Variants in RFTN1 observed in about 807,000 individuals in gnomAD.
The protein encoded by RFTN1 is raftlin.
Under a neutral mutation model 46.5 loss-of-function variants are expected in RFTN1, and 26 were observed. The ratio of observed to expected loss-of-function variants is 0.56; its 90% CI spans 0.41 to 0.78. The LOEUF is 0.78. Ranked by LOEUF, RFTN1 falls within the 30% of genes least tolerant of loss-of-function variation. The pLI, the probability that RFTN1 is intolerant of heterozygous loss-of-function variation, is 0.00. For missense variants in RFTN1, 693 were observed against 718.7 expected, an observed-to-expected ratio of 0.96 and a Z score of 0.41; for synonymous variants, 261 against 284.2, an observed-to-expected ratio of 0.92 and a Z score of 0.82.
At position 16,473,745 on chromosome 3, in the gene RFTN1, G is replaced by T. The variant is rs1050513920; in HGVS notation, c.145+19980C>A. Among the ~76,000 whole-genome samples the T allele has an allele frequency of 1.3e-5, 2 of 151,930 alleles. No homozygotes were observed. Among genetic ancestry groups the T allele is most frequent in the African/African-American group, 4.8e-5 (2 of 41,418 alleles). On this transcript the variant is annotated intron_variant, in intron 2 of 9. Coordinates refer to ENST00000334133, the MANE Select transcript of RFTN1 (RefSeq NM_015150.2). This position sits in a 1 kb window ranked among gnomAD's most constrained non-coding sequence, Gnocchi z 5.3. The stretch of plus-strand genomic sequence containing the variant: ...TCTTGAAAGCATTCTATTAGTACAA[G>T]GCATTTTTACTTTCTTCCACCCTGC...
chr3:16,345,817 T>TGTGTGTGTGTGTGC lies in RFTN1; in HGVS notation c.1146+12114_1146+12115insGCACACACACACAC, dbSNP rs1160939614. Among the ~76,000 whole-genome samples, 178 of 74,592 alleles carry TGTGTGTGTGTGTGC rather than the reference T, an allele frequency of 2.4e-3. No homozygotes were observed. Among genetic ancestry groups the TGTGTGTGTGTGTGC allele is most frequent in the African/African-American group, 7.9e-3 (144 of 18,166 alleles). The allele number at this position is 74,592 out of a possible 152,430, so 48.9% of individuals were successfully genotyped here. On this transcript the variant is annotated intron_variant, in intron 7 of 9. Coordinates refer to ENST00000334133, the MANE Select transcript of RFTN1 (RefSeq NM_015150.2). The surrounding 1 kb of genome is among the most constrained non-coding windows in gnomAD (Gnocchi z 5.2). ...GTGTGTGTGTGTGTGTGTGTGTGTG[T>TGTGTGTGTGTGTGC]GCGCGCGCGCGTGCGCGCACGCGCA...
Position 16,433,306 on chromosome 3 carries a change from G to A in RFTN1, c.332+545C>T, listed in dbSNP as rs984941008. Among the ~76,000 whole-genome samples, 1 of 151,818 alleles carries A rather than the reference G, an allele frequency of 6.6e-6. No individual in the cohort carries two copies. Among genetic ancestry groups the A allele is most frequent in the African/African-American group, 2.4e-5 (1 of 41,290 alleles). On this transcript the variant is annotated intron_variant, in intron 3 of 9. Coordinates refer to ENST00000334133, the MANE Select transcript of RFTN1 (RefSeq NM_015150.2). This position sits in a 1 kb window ranked among gnomAD's most constrained non-coding sequence, Gnocchi z 4.4. Reference sequence around the variant, plus strand: ...AAGCCAAACTGAAAAACATCCCCAAGCCCTGAAAATCTAAATCAAGACCAA... The same window carrying A: ...AAGCCAAACTGAAAAACATCCCCAAACCCTGAAAATCTAAATCAAGACCAA...
In RFTN1 at chr3:16,489,673, C is replaced by T. The variant is rs772146318; in HGVS notation, c.145+4052G>A. Among the ~76,000 whole-genome samples, 5 of 151,830 alleles carry T rather than the reference C, an allele frequency of 3.3e-5. No individual in the cohort carries two copies. The highest frequency in any genetic ancestry group is 7.3e-5 in the African/African-American group (3 of 41,334). ...CTGTAAGCCCAGCACTTTGGGAGGCCGAGGTGGGTGGACCACTTGAGGTCA... is the reference window on the plus strand; with the variant it reads ...CTGTAAGCCCAGCACTTTGGGAGGCTGAGGTGGGTGGACCACTTGAGGTCA... On this transcript the variant is annotated intron_variant, in intron 2 of 9. Coordinates refer to ENST00000334133, the MANE Select transcript of RFTN1 (RefSeq NM_015150.2). The surrounding 1 kb of genome is among the most constrained non-coding windows in gnomAD (Gnocchi z 4.0).
rs2075440590 is a variant in RFTN1, at chr3:16,433,750, T to C, written c.332+101A>G. 3 of 1,251,058 alleles carry C rather than the reference T, an allele frequency of 2.4e-6. No homozygotes were observed. The highest frequency in any genetic ancestry group is 3.5e-6 in the Non-Finnish European group (3 of 856,744). 77.5% of individuals were successfully genotyped at this position (1,251,058 alleles called of 1,614,324 possible). A position where few individuals can be genotyped will look rare whatever the true frequency, so the allele number is the denominator to read the frequency against. On this transcript the variant is annotated intron_variant, in intron 3 of 9. Coordinates refer to ENST00000334133, the MANE Select transcript of RFTN1 (RefSeq NM_015150.2). This position sits in a 1 kb window ranked among gnomAD's most constrained non-coding sequence, Gnocchi z 4.4. The stretch of plus-strand genomic sequence containing the variant: ...GAGGGCTGAGGCCCTGAGGACAGCA[T>C]GCAAATTTCAACCCCCAACCCCATC...
chr3:16,391,885 T>TTG (rs2074356568), intron 4 of RFTN1, among the ~76,000 whole-genome samples: 1 of 38,982 alleles, frequency 2.6e-5, no homozygotes, highest in Non-Finnish European at 5.5e-5. Flanking sequence ...TTTTTTTGTT[T>TTG]TTTTTTTTGT....
At chr3:16,379,880 G>T (rs567864010) in intron 4 of RFTN1, among the ~76,000 whole-genome samples, 2 of 152,334 alleles carry the variant, frequency 1.3e-5, no homozygotes, top group South Asian at 4.1e-4. Context: ...AAAGAACTTT[G>T]GAGGCTGAGG....
intron 2 of RFTN1, among the ~76,000 whole-genome samples, chr3:16,437,847 C>T (rs916052113): frequency 4.6e-5 from 7 of 151,910 alleles, no homozygotes; most frequent in Non-Finnish European, 1.0e-4. Context: ...CCTGCAAATG[C>T]TGGGTGTCGA....
Position 16,402,810 on chromosome 3 carries a change from G to T in RFTN1, c.441+6565C>A, listed in dbSNP as rs996643635. 6.6e-6 allele frequency among the ~76,000 whole-genome samples: 1 copy of T among 152,190 alleles called. No homozygotes were observed. Among genetic ancestry groups the T allele is most frequent in the African/African-American group, 2.4e-5 (1 of 41,438 alleles). On this transcript the variant is annotated intron_variant, in intron 4 of 9. Coordinates refer to ENST00000334133, the MANE Select transcript of RFTN1 (RefSeq NM_015150.2). This position sits in a 1 kb window ranked among gnomAD's most constrained non-coding sequence, Gnocchi z 4.5. ...AATGTACTCGGTTTAATCCAGGACA[G>T]TACACTCATTGAGTGGGACCAGCCG...
rs34223764 is a variant in RFTN1, at chr3:16,448,122, TA to T, written c.146-14086del. The stretch of plus-strand genomic sequence containing the variant: ...TACACACAGGATTTCAAAGACTTGG[TA>T]AAAAAAAAAAAAGTCTCCCAATAAT... On this transcript the variant is annotated intron_variant, in intron 2 of 9. Coordinates refer to ENST00000334133, the MANE Select transcript of RFTN1 (RefSeq NM_015150.2). The surrounding 1 kb of genome is among the most constrained non-coding windows in gnomAD (Gnocchi z 4.1). 7.2e-3 allele frequency among the ~76,000 whole-genome samples: 1,015 copies of T among 140,826 alleles called. 1 individual carries two copies. Among genetic ancestry groups the T allele is most frequent in the Middle Eastern group, 0.033 (9 of 276 alleles). The allele number at this position is 140,826 out of a possible 152,430, so 92.4% of individuals were successfully genotyped here.
In RFTN1 at chr3:16,337,685, T is replaced by G. The variant is rs1453017245; in HGVS notation, c.1147-10809A>C. ...TGAACCCAGGAGGCGGAGGTTGCAG[T>G]GAGCCCAGATTGCGCCACTGCACTC... On this transcript the variant is annotated intron_variant, in intron 7 of 9. Transcript: ENST00000334133. The surrounding 1 kb of genome is among the most constrained non-coding windows in gnomAD (Gnocchi z 5.0). Among the ~76,000 whole-genome samples the G allele has an allele frequency of 1.4e-5, 2 of 145,566 alleles. No homozygotes were observed. Among genetic ancestry groups the G allele is most frequent in the Non-Finnish European group, 3.0e-5 (2 of 67,298 alleles).
Position 16,446,689 on chromosome 3 carries a change from A to C in RFTN1, c.146-12652T>G, listed in dbSNP as rs1299249150. ...CAAAGACCATGGTTGTATACAAGAC[A>C]GTGACTGGAAATCTCAACTCCAAAC... On this transcript the variant is annotated intron_variant, in intron 2 of 9. Transcript: ENST00000334133. This position sits in a 1 kb window ranked among gnomAD's most constrained non-coding sequence, Gnocchi z 4.5. Among the ~76,000 whole-genome samples, 1 of 152,242 alleles carries C rather than the reference A, an allele frequency of 6.6e-6. No individual in the cohort carries two copies. Among genetic ancestry groups the C allele is most frequent in the Non-Finnish European group, 1.5e-5 (1 of 68,048 alleles).
intron 7 of RFTN1, chr3:16,349,944 C>T (rs967742075): frequency 6.6e-6 from 1 of 152,230 alleles, no homozygotes. Flanking sequence ...TCCGGGATCT[C>T]AATCTTTTTT....
intron 8 of RFTN1, among the ~76,000 whole-genome samples, chr3:16,324,799 C>G (rs2069531410): frequency 6.6e-6 from 1 of 152,002 alleles, no homozygotes; most frequent in Non-Finnish European, 1.5e-5. Context: ...ATGCAGATCC[C>G]TCTTCTGCAT....
chr3:16,501,292 G>T (rs1324475588), intron 1 of RFTN1, among the ~76,000 whole-genome samples: 2 of 152,150 alleles, frequency 1.3e-5, no homozygotes, highest in Non-Finnish European at 2.9e-5. Context: ...ATTTGTTTCT[G>T]AAATGCTTCC....
At chr3:16,441,299 T>TAAAAAAAAAAAAAA (rs59877269) in intron 2 of RFTN1, among the ~76,000 whole-genome samples, 5 of 47,554 alleles carry the variant, frequency 1.1e-4, no homozygotes, top group East Asian at 5.0e-4. Flanking sequence ...TTCCAAGAAC[T>TAAAAAAAAAAAAAA]AAAAAAAAAA....
intron 2 of RFTN1, among the ~76,000 whole-genome samples, chr3:16,476,189 G>A (rs1306577667): frequency 6.6e-6 from 1 of 152,224 alleles, no homozygotes; most frequent in African/African-American, 2.4e-5. Flanking sequence ...GCCAGTAGGG[G>A]CTCAAGATGG....
intron 2 of RFTN1, chr3:16,482,715 T>C (rs758352837): frequency 6.9e-7 from 1 of 1,443,070 alleles, no homozygotes; most frequent in Non-Finnish European, 9.4e-7. Context: ...GTTATTACTG[T>C]TGCTACTGTT....
At chr3:16,362,264 TGA>T (rs2072880823) in intron 6 of RFTN1, among the ~76,000 whole-genome samples, 1 of 152,230 alleles carries the variant, frequency 6.6e-6, no homozygotes, top group African/African-American at 2.4e-5. Flanking sequence ...TTTCCCATCC[TGA>T]GAGTCTGTTA....
rs900133558 is a variant in RFTN1 at position 16,466,641 on chromosome 3, A to C, written c.145+27084T>G. On this transcript the variant is annotated intron_variant, in intron 2 of 9. Transcript: ENST00000334133. This position sits in a 1 kb window ranked among gnomAD's most constrained non-coding sequence, Gnocchi z 5.6. ...ATCCTCAGAAACCAACCTTCTTTAC[A>C]GGCAGAAGTTTCTTCCAACCTGTTA... Among the ~76,000 whole-genome samples, 1 of 152,218 alleles carries C rather than the reference A, an allele frequency of 6.6e-6. No homozygotes were observed. The highest frequency in any genetic ancestry group is 1.5e-5 in the Non-Finnish European group (1 of 68,040).
Sources: allele counts gnomAD v4.1 joint callset (sites outside exome capture counted in the v4.1 genomes callset), GRCh38; gene constraint gnomAD v4.1.1; non-coding constraint Gnocchi (gnomAD v3.1); transcripts MANE v1.5; gene names NCBI Gene and HGNC (gene_info 2026-07-23, HGNC 2026-07-21).